PTPRD: variants seen among roughly 807,000 people sequenced by gnomAD.
PTPRD encodes receptor-type tyrosine-protein phosphatase delta.
Under a neutral mutation model 214.5 loss-of-function variants are expected in PTPRD, and 34 were observed. The ratio of observed to expected loss-of-function variants is 0.16; its 90% CI spans 0.12 to 0.21. The LOEUF is 0.21. PTPRD is among the 10% of genes least tolerant of loss of function. PTPRD has a pLI of 1.00. For synonymous variants in PTPRD, 1,128 were observed against 845.7 expected (o/e 1.33, Z -5.79); for missense variants, 2,545 against 2,398.7 (o/e 1.06, Z -1.27).
rs140738491 is a variant in PTPRD at position 9,251,221 on chromosome 9, G to C, written c.-202-67858C>G. 1.1e-3 allele frequency among the ~76,000 whole-genome samples: 171 copies of C among 152,136 alleles called. 1 individual carries two copies. The highest frequency in any genetic ancestry group is 4.0e-3 in the African/African-American group (166 of 41,532). On this transcript the variant is annotated intron_variant, in intron 9 of 45. Coordinates refer to ENST00000381196, the MANE Select transcript of PTPRD (RefSeq NM_002839.4). The stretch of plus-strand genomic sequence containing the variant: ...AGGTTCCATTTTGGATCCAAGCCAG[G>C]TTGCCTTGCTGAGCATCATTGTGAG...
At chr9:9,912,669 C>T (rs2079539780) in intron 5 of PTPRD, among the ~76,000 whole-genome samples, 1 of 152,094 alleles carries the variant, frequency 6.6e-6, no homozygotes, top group Non-Finnish European at 1.5e-5. Context: ...AAATGAATAG[C>T]CAGTAGGTAT....
intron 8 of PTPRD, among the ~76,000 whole-genome samples, chr9:9,398,735 T>C (rs2068911178): frequency 6.6e-6 from 1 of 152,008 alleles, no homozygotes; most frequent in Non-Finnish European, 1.5e-5. Flanking sequence ...AAACATGTTT[T>C]TTCCCCCCAC....
chr9:9,420,140 T>A (rs1390241958), intron 8 of PTPRD, among the ~76,000 whole-genome samples: 1 of 151,574 alleles, frequency 6.6e-6, no homozygotes, highest in Non-Finnish European at 1.5e-5. Flanking sequence ...CTTGTTAAAG[T>A]TTACCCAAAA....
chr9:10,071,294 G>C (rs958997713), intron 3 of PTPRD, among the ~76,000 whole-genome samples: 2 of 151,984 alleles, frequency 1.3e-5, no homozygotes, highest in Non-Finnish European at 2.9e-5. Flanking sequence ...TATGTGGAAA[G>C]GGAGAAGGCA....
At chr9:9,323,748 T>G (rs957036190) in intron 9 of PTPRD, among the ~76,000 whole-genome samples, 3 of 152,286 alleles carry the variant, frequency 2.0e-5, no homozygotes, top group African/African-American at 7.2e-5. Flanking sequence ...ATGTGCAGGT[T>G]TGTTACATAT....
At chr9:10,350,757 C>G (rs1163275510) in intron 2 of PTPRD, among the ~76,000 whole-genome samples, 1 of 152,144 alleles carries the variant, frequency 6.6e-6, no homozygotes, top group Non-Finnish European at 1.5e-5. Context: ...TTCATCCATG[C>G]ATTGATTTCT....
At chr9:9,837,217 A>C (rs939522351) in intron 5 of PTPRD, among the ~76,000 whole-genome samples, 1 of 152,154 alleles carries the variant, frequency 6.6e-6, no homozygotes, top group Admixed American at 6.6e-5. Context: ...GGATCATAAT[A>C]AATGAGAAAA....
intron 3 of PTPRD, among the ~76,000 whole-genome samples, chr9:10,202,558 C>T (rs1332503916): frequency 7.1e-6 from 1 of 141,222 alleles, no homozygotes; most frequent in Non-Finnish European, 1.5e-5. Flanking sequence ...TGCATTTCTT[C>T]AAATTATCCT....
At chr9:9,674,798 G>T (rs1022590798) in intron 7 of PTPRD, among the ~76,000 whole-genome samples, 2 of 151,768 alleles carry the variant, frequency 1.3e-5, no homozygotes, top group Non-Finnish European at 3.0e-5. Context: ...AAAAGATTTT[G>T]ATACATATAA....
At chr9:9,552,566 C>G (rs932891010) in intron 8 of PTPRD, among the ~76,000 whole-genome samples, 1 of 151,940 alleles carries the variant, frequency 6.6e-6, no homozygotes, top group African/African-American at 2.4e-5. Context: ...ATACTTGCTT[C>G]TCTGTAGTAA....
intron 35 of PTPRD, among the ~76,000 whole-genome samples, chr9:8,428,845 CTGTT>C (rs1304748640): frequency 6.6e-6 from 1 of 152,196 alleles, no homozygotes; most frequent in African/African-American, 2.4e-5. Flanking sequence ...ATAATGATGA[CTGTT>C]TTACTAATGA....
chr9:9,056,452 C>A (rs1036358158), intron 10 of PTPRD, among the ~76,000 whole-genome samples: 2 of 152,204 alleles, frequency 1.3e-5, no homozygotes, highest in African/African-American at 4.8e-5. Context: ...TGCTGACCAC[C>A]TAACCTGCAG....
At chr9:8,378,060 C>G (rs1480298377) in intron 37 of PTPRD, among the ~76,000 whole-genome samples, 2 of 152,046 alleles carry the variant, frequency 1.3e-5, no homozygotes, top group East Asian at 1.9e-4. Flanking sequence ...GGTTTGATTC[C>G]TATGCCTTGA....
chr9:10,590,588 GCTT>G (rs2075184396), intron 2 of PTPRD, among the ~76,000 whole-genome samples: 1 of 151,762 alleles, frequency 6.6e-6, no homozygotes, highest in Non-Finnish European at 1.5e-5. Flanking sequence ...GTTGTCTCTG[GCTT>G]CTTTTTGTAA....
intron 2 of PTPRD, among the ~76,000 whole-genome samples, chr9:10,607,747 A>G (rs1326580891): frequency 6.6e-6 from 1 of 152,028 alleles, no homozygotes; most frequent in Admixed American, 6.6e-5. Flanking sequence ...TGAAAAATAA[A>G]TTATTGGTTT....
chr9:10,418,226 G>A (rs1459067936), intron 2 of PTPRD, among the ~76,000 whole-genome samples: 6 of 151,780 alleles, frequency 4.0e-5, no homozygotes, highest in African/African-American at 1.5e-4. Flanking sequence ...CAGCAAAAGT[G>A]TGTTTATATC....
intron 3 of PTPRD, among the ~76,000 whole-genome samples, chr9:10,166,880 T>A (rs544338957): frequency 6.6e-6 from 1 of 152,282 alleles, no homozygotes; most frequent in South Asian, 2.1e-4. Context: ...ATTTCTTTTA[T>A]ATCTTGTAGG....
intron 3 of PTPRD, among the ~76,000 whole-genome samples, chr9:10,307,544 A>C (rs1387267029): frequency 6.6e-6 from 1 of 152,052 alleles, no homozygotes; most frequent in Admixed American, 6.6e-5. Context: ...TATCTCTTTA[A>C]TATATGGCTT....
chr9:9,363,016 T>G (rs1205514806), intron 9 of PTPRD, among the ~76,000 whole-genome samples: 2 of 151,216 alleles, frequency 1.3e-5, no homozygotes, highest in African/African-American at 4.8e-5. Context: ...TATTAAATAC[T>G]ATTAATCTCC....
Sources: allele counts gnomAD v4.1 joint callset (sites outside exome capture counted in the v4.1 genomes callset), GRCh38; gene constraint gnomAD v4.1.1; transcripts MANE v1.5; gene names NCBI Gene and HGNC (gene_info 2026-07-23, HGNC 2026-07-21).